ELOVL6: variants seen among roughly 807,000 people sequenced by gnomAD.
ELOVL6 encodes the protein very long chain fatty acid elongase 6.
In ELOVL6, 8 loss-of-function variants were observed where a neutral mutation model predicts 31.7. That is an observed-to-expected ratio of 0.25 (90% confidence interval 0.15 to 0.45). The LOEUF (loss-of-function observed/expected upper bound fraction) is 0.45, where lower values mean the gene tolerates loss of function less well. Ranked by LOEUF, ELOVL6 falls within the 20% of genes least tolerant of loss-of-function variation. The pLI, the probability that ELOVL6 is intolerant of heterozygous loss-of-function variation, is 1.00. For synonymous variants in ELOVL6, 101 were observed against 117.7 expected, an observed-to-expected ratio of 0.86 and a Z score of 0.92; for missense variants, 126 against 326.4, an observed-to-expected ratio of 0.39 and a Z score of 4.73.
chr4:110,151,740 G>A (rs1434446364), intron 1 of ELOVL6, among the ~76,000 whole-genome samples: 4 of 152,176 alleles, frequency 2.6e-5, no homozygotes, highest in Non-Finnish European at 4.4e-5. Context: ...TTTTGAATGA[G>A]AGATCCTAGA....
At chr4:110,118,174 T>TCTCAAACTCCTGAC (rs1159426541) in intron 1 of ELOVL6, 1 of 150,846 alleles carries the variant, frequency 6.6e-6, no homozygotes, top group Non-Finnish European at 1.5e-5. Flanking sequence ...GCCAGGCTGA[T>TCTCAAACTCCTGAC]CTCAAACTCC....
chr4:110,168,956 T>C (rs1297175937), intron 1 of ELOVL6, among the ~76,000 whole-genome samples: 5 of 148,414 alleles, frequency 3.4e-5, no homozygotes, highest in African/African-American at 1.2e-4. Flanking sequence ...GTCCAGTAAG[T>C]CTTTTTTAAA....
At chr4:110,151,678 G>A (rs1388844893) in intron 1 of ELOVL6, among the ~76,000 whole-genome samples, 5 of 152,118 alleles carry the variant, frequency 3.3e-5, no homozygotes, top group East Asian at 1.9e-4. Flanking sequence ...CAGCATTTGT[G>A]GGCCATAAAG....
chr4:110,080,722 G>A (rs534035913), intron 2 of ELOVL6, among the ~76,000 whole-genome samples: 3,228 of 152,226 alleles, frequency 0.021, 106 homozygotes, highest in African/African-American at 0.073. Context: ...ATTCAACATA[G>A]TGTTGGAAGT....
intron 3 of ELOVL6, among the ~76,000 whole-genome samples, chr4:110,056,126 G>GGGGT (rs1553953521): frequency 6.9e-6 from 1 of 145,112 alleles, no homozygotes; most frequent in Non-Finnish European, 1.5e-5. Flanking sequence ...GGGAGCTGGG[G>GGGGT]GGGGGGATAC....
chr4:110,181,594 A>C (rs1228198321), intron 1 of ELOVL6, among the ~76,000 whole-genome samples: 1 of 134,128 alleles, frequency 7.5e-6, no homozygotes, highest in Non-Finnish European at 1.6e-5. Flanking sequence ...ATCCTAGTTA[A>C]CTTGATCAAC....
At chr4:110,171,576 G>A (rs1396981250) in intron 1 of ELOVL6, among the ~76,000 whole-genome samples, 1 of 151,840 alleles carries the variant, frequency 6.6e-6, no homozygotes, top group Non-Finnish European at 1.5e-5. Context: ...AGCACCTGGA[G>A]GTTACTGGAG....
intron 1 of ELOVL6, among the ~76,000 whole-genome samples, chr4:110,169,231 GTTTTTTGTT>G (rs1758868989): frequency 3.4e-5 from 4 of 116,428 alleles, no homozygotes; most frequent in African/African-American, 1.2e-4. Flanking sequence ...GAGTTTTGGG[GTTTTTTGTT>G]TTGTTTTTTT....
chr4:110,057,176 C>T (rs1331034988), intron 3 of ELOVL6, among the ~76,000 whole-genome samples: 1 of 152,116 alleles, frequency 6.6e-6, no homozygotes, highest in Admixed American at 6.5e-5. Context: ...TAACTCAGAA[C>T]ACAACACAAT....
intron 2 of ELOVL6, among the ~76,000 whole-genome samples, chr4:110,090,651 C>T (rs1322107849): frequency 7.4e-6 from 1 of 135,176 alleles, no homozygotes; most frequent in Non-Finnish European, 1.5e-5. Context: ...TGTCGCCAGG[C>T]TGGAGTGCAG....
rs376688722 is a variant in ELOVL6 at position 110,189,384 on chromosome 4, C to T, written c.89+8863G>A. 5.4e-5 allele frequency among the ~76,000 whole-genome samples: 8 copies of T among 148,794 alleles called. No homozygotes were observed. In the East Asian group the frequency reaches 8.2e-4, roughly 15 times the overall value. On this transcript the variant is annotated intron_variant, in intron 1 of 3. Coordinates refer to ENST00000302274, the MANE Select transcript of ELOVL6 (RefSeq NM_024090.3). ...GGCGGATCACTTGAGGCCAGGAGTT[C>T]GAGACCAGCCTGGCCAACATGGTGA...
intron 2 of ELOVL6, among the ~76,000 whole-genome samples, chr4:110,083,084 A>G (rs77064437): frequency 6.6e-6 from 1 of 151,778 alleles, no homozygotes; most frequent in African/African-American, 2.4e-5. Flanking sequence ...TTAAAAAAAA[A>G]GCAAACTTTT....
intron 2 of ELOVL6, among the ~76,000 whole-genome samples, chr4:110,097,664 C>G (rs994018269): frequency 2.6e-5 from 4 of 151,882 alleles, no homozygotes; most frequent in African/African-American, 9.7e-5. Flanking sequence ...TGTGTTATTC[C>G]TAGTCTCAGT....
At chr4:110,163,432 G>T (rs921179185) in intron 1 of ELOVL6, among the ~76,000 whole-genome samples, 9 of 152,184 alleles carry the variant, frequency 5.9e-5, no homozygotes, top group Non-Finnish European at 1.5e-5. Context: ...GTGTCCTAGT[G>T]GTATGAACGG....
At position 110,117,903 on chromosome 4, in the gene ELOVL6, A is replaced by AAAAAAAAAAAAAAAAAATT; in HGVS notation, c.90-12276_90-12275insAATTTTTTTTTTTTTTTTT. 1.1e-3 allele frequency: 7 copies of AAAAAAAAAAAAAAAAAATT among 6,500 alleles called. 1 individual carries two copies. Among genetic ancestry groups the AAAAAAAAAAAAAAAAAATT allele is most frequent in the Admixed American group, 3.8e-3 (1 of 260 alleles). 0.4% of individuals were successfully genotyped at this position (6,500 alleles called of 1,614,324 possible). A position where few individuals can be genotyped will look rare whatever the true frequency, so the allele number is the denominator to read the frequency against. ...TCTCAAAAAAAAAAAAAAAAAAAAA[A>AAAAAAAAAAAAAAAAAATT]ATATATATATATATATATATATCTC... On this transcript the variant is annotated intron_variant, in intron 1 of 3. Transcript: ENST00000302274.
Position 110,049,607 on chromosome 4 carries a change from G to C in ELOVL6, c.*1731C>G, listed in dbSNP as rs572458055. On this transcript the variant is annotated 3_prime_UTR_variant, in exon 4 of 4. Transcript: ENST00000302274. ...AGTTTTGTTTTGTTTTTTTCTGCTA[G>C]CCAGAAAATGTGTTTCTATTCATTT... is the stretch of plus-strand genomic sequence containing the variant. 1.3e-5 allele frequency: 2 copies of C among 152,274 alleles called. No homozygotes were observed. Among genetic ancestry groups the C allele is most frequent in the East Asian group, 3.9e-4 (2 of 5,176 alleles). The allele number at this position is 152,274 out of a possible 1,614,324, so 9.4% of individuals were successfully genotyped here.
chr4:110,103,088 G>A (rs942585312), intron 2 of ELOVL6, among the ~76,000 whole-genome samples: 2 of 152,106 alleles, frequency 1.3e-5, no homozygotes, highest in African/African-American at 4.8e-5. Context: ...CCTCTACCAT[G>A]TAAGAAGTGC....
At chr4:110,094,067 T>C (rs572263370) in intron 2 of ELOVL6, among the ~76,000 whole-genome samples, 2 of 151,288 alleles carry the variant, frequency 1.3e-5, no homozygotes, top group East Asian at 3.9e-4. Context: ...CTGGCCGACA[T>C]GGCAAAAGCC....
rs1462791580 is a variant in ELOVL6 at position 110,084,578 on chromosome 4, A to ATT, written c.221+20918_221+20919insAA. Among the ~76,000 whole-genome samples, 4 of 50,798 alleles carry ATT rather than the reference A, an allele frequency of 7.9e-5. 1 individual carries two copies. Among genetic ancestry groups the ATT allele is most frequent in the African/African-American group, 6.1e-4 (4 of 6,546 alleles). 33.3% of individuals were successfully genotyped at this position (50,798 alleles called of 152,430 possible). A position where few individuals can be genotyped will look rare whatever the true frequency, so the allele number is the denominator to read the frequency against. On this transcript the variant is annotated intron_variant, in intron 2 of 3. Coordinates refer to ENST00000302274, the MANE Select transcript of ELOVL6 (RefSeq NM_024090.3). ...CACACACACAGATATATATATATAT[A>ATT]TATATATATATTTTTTTTTTTTTTT...
Sources: gnomAD v4.1 joint callset for allele counts (sites outside exome capture counted in the v4.1 genomes callset) on GRCh38, gnomAD v4.1.1 for gene constraint, MANE v1.5 for transcripts, NCBI Gene and HGNC (gene_info 2026-07-23, HGNC 2026-07-21) for gene names.